TBL1X: variants seen among roughly 807,000 people sequenced by gnomAD.
The protein encoded by TBL1X is transducin beta like 1 X-linked.
Under a neutral mutation model 50.7 loss-of-function variants are expected in TBL1X, and 10 were observed. The observed-to-expected ratio is 0.20, with a 90% CI of 0.12 to 0.33. The LOEUF is 0.33. TBL1X is among the 10% of genes least tolerant of loss of function. The probability of loss-of-function intolerance (pLI) is 1.00; values close to 1 mark genes in which losing one functional copy is unlikely to be tolerated. For missense variants in TBL1X, 340 were observed against 504.4 expected, an observed-to-expected ratio of 0.67 and a Z score of 3.12; for synonymous variants, 190 against 214.7, an observed-to-expected ratio of 0.88 and a Z score of 1.01.
At chrX:9,467,363 A>C (rs2081782711) in intron 1 of TBL1X, among the ~76,000 whole-genome samples, 1 of 111,924 alleles carries the variant, frequency 8.9e-6, no homozygotes, top group Non-Finnish European at 1.9e-5. Flanking sequence ...CAGGGCGTCC[A>C]GATTCCGGTG....
intron 2 of TBL1X, among the ~76,000 whole-genome samples, chrX:9,570,581 C>CCTCTGG (rs1601765695): frequency 9.0e-6 from 1 of 111,583 alleles, no homozygotes; most frequent in Admixed American, 9.5e-5. Flanking sequence ...TGCTTCACTC[C>CCTCTGG]CTCTGGCTCT....
chrX:9,666,417 TA>T (rs1215234294), intron 5 of TBL1X, among the ~76,000 whole-genome samples: 3 of 111,470 alleles, frequency 2.7e-5, no homozygotes, highest in Non-Finnish European at 5.7e-5. Context: ...AGTTGACTTT[TA>T]AAGAAAAAAA....
At chrX:9,463,930 C>T (rs1272614797), upstream of TBL1X, among the ~76,000 whole-genome samples, 4 of 111,445 alleles carry the variant, frequency 3.6e-5, no homozygotes, top group Non-Finnish European at 5.7e-5. Flanking sequence ...AAAACCTCAC[C>T]TTAGGTCCCC....
Position 9,609,691 on chromosome X carries a change from G to A in TBL1X, c.-130-30582G>A, listed in dbSNP as rs187986535. On this transcript the variant is annotated intron_variant, in intron 2 of 17. Coordinates refer to ENST00000645353, the MANE Select transcript of TBL1X (RefSeq NM_005647.4). The stretch of plus-strand genomic sequence containing the variant: ...TTTCCTGAGAGGCTGTGCGGGTTGC[G>A]TGGCAGTGAGGAGGGACGGGGGTAA... 1.7e-4 allele frequency among the ~76,000 whole-genome samples: 19 copies of A among 110,922 alleles called. No homozygotes were observed. The East Asian group carries it at 4.3e-3, about 25-fold the overall frequency.
At chrX:9,705,350 AAAGCCTTT>A (rs1419139322) in intron 13 of TBL1X, among the ~76,000 whole-genome samples, 2 of 112,140 alleles carry the variant, frequency 1.8e-5, no homozygotes, top group Non-Finnish European at 3.8e-5. Flanking sequence ...ATTTGGCAAC[AAAGCCTTT>A]AAGGTAGCCA....
chrX:9,551,505 C>T (rs762552554), intron 2 of TBL1X, among the ~76,000 whole-genome samples: 7 of 111,002 alleles, frequency 6.3e-5, no homozygotes, highest in Non-Finnish European at 9.4e-5. Flanking sequence ...ATTTTTAGTG[C>T]AGCGTATTTC....
rs143609912 is a variant in TBL1X, at chrX:9,561,332, A to G, written c.-131+59483A>G. Among the ~76,000 whole-genome samples the G allele has an allele frequency of 1.3e-4, 15 of 111,379 alleles. 1 individual carries two copies. In the East Asian group the frequency reaches 4.2e-3, roughly 31 times the overall value. On this transcript the variant is annotated intron_variant, in intron 2 of 17. Transcript: ENST00000645353. ...AGTAGAGTGAAGCTCCAGTATTTGT[A>G]TGAGTGTTGGGGTTGTTTGGTGGTG... is the stretch of plus-strand genomic sequence containing the variant.
At chrX:9,544,132 T>C (rs2082229387) in intron 2 of TBL1X, among the ~76,000 whole-genome samples, 1 of 111,995 alleles carries the variant, frequency 8.9e-6, no homozygotes, top group African/African-American at 3.2e-5. Context: ...TAAATGCTGT[T>C]ATGAATTAAT....
intron 2 of TBL1X, among the ~76,000 whole-genome samples, chrX:9,528,601 A>C (rs766807527): frequency 9.4e-6 from 1 of 106,946 alleles, no homozygotes; most frequent in South Asian, 4.3e-4. Context: ...GGTGACCCGC[A>C]GCTGCACATG....
intron 2 of TBL1X, among the ~76,000 whole-genome samples, chrX:9,509,353 G>A (rs1336421675): frequency 1.3e-5 from 1 of 78,837 alleles, no homozygotes; most frequent in African/African-American, 5.1e-5. Flanking sequence ...GCGACAAAGC[G>A]AGACTCTGTC....
intron 2 of TBL1X, among the ~76,000 whole-genome samples, chrX:9,573,963 G>A (rs2082397901): frequency 8.9e-6 from 1 of 112,537 alleles, no homozygotes; most frequent in Admixed American, 9.4e-5. Context: ...ACTCCACCCT[G>A]CTGGGCATCT....
intron 12 of TBL1X, among the ~76,000 whole-genome samples, chrX:9,704,765 G>A (rs188416148): frequency 7.4e-4 from 83 of 111,428 alleles, no homozygotes; most frequent in Non-Finnish European, 1.4e-3. Flanking sequence ...GATGGCATGC[G>A]CTATTCAGAA....
intron 2 of TBL1X, among the ~76,000 whole-genome samples, chrX:9,621,269 C>T (rs1055516717): frequency 9.0e-6 from 1 of 111,600 alleles, no homozygotes; most frequent in African/African-American, 3.3e-5. Flanking sequence ...GTGTAGTCAG[C>T]GAGGGGCACT....
intron 2 of TBL1X, among the ~76,000 whole-genome samples, chrX:9,559,181 G>A (rs900674937): frequency 1.8e-5 from 2 of 112,087 alleles, no homozygotes; most frequent in African/African-American, 6.5e-5. Context: ...GGTTGTATCC[G>A]ACTGCGAACT....
rs774252660 is a variant in TBL1X, at chrX:9,520,291, G to T, written c.-131+18442G>T. On this transcript the variant is annotated intron_variant, in intron 2 of 17. Coordinates refer to ENST00000645353, the MANE Select transcript of TBL1X (RefSeq NM_005647.4). Reference sequence around the variant, plus strand: ...CCAAGCACCTCCTCTTCCAGAATAAGTAGCACAGATCTTTGACCGCCCCCC... The same window carrying T: ...CCAAGCACCTCCTCTTCCAGAATAATTAGCACAGATCTTTGACCGCCCCCC... Among the ~76,000 whole-genome samples, 11 of 112,060 alleles carry T rather than the reference G, an allele frequency of 9.8e-5. No individual in the cohort carries two copies. The East Asian group carries it at 3.1e-3, about 31-fold the overall frequency.
intron 2 of TBL1X, among the ~76,000 whole-genome samples, chrX:9,589,311 TGG>T (rs1311489676): frequency 2.7e-5 from 3 of 109,752 alleles, no homozygotes; most frequent in African/African-American, 1.0e-4. Context: ...AAAGTCAAGA[TGG>T]GGGCAGGGTT....
chrX:9,531,393 G>GTGTGTGTGTGTGTGTGT (rs2082160590), intron 2 of TBL1X, among the ~76,000 whole-genome samples: 1 of 107,297 alleles, frequency 9.3e-6, no homozygotes, highest in Non-Finnish European at 1.9e-5. Flanking sequence ...GTGTGTGTGT[G>GTGTGTGTGTGTGTGTGT]TGTGTGTGTT....
intron 12 of TBL1X, among the ~76,000 whole-genome samples, chrX:9,700,530 G>A (rs746664752): frequency 1.8e-5 from 2 of 111,663 alleles, no homozygotes; most frequent in Admixed American, 1.9e-4. Context: ...AATTCCCGTC[G>A]GCAGGTCAGA....
chrX:9,571,930 A>G lies in TBL1X; in HGVS notation c.-130-68343A>G, dbSNP rs192673871. Among the ~76,000 whole-genome samples the G allele has an allele frequency of 1.6e-4, 18 of 112,489 alleles. 1 individual carries two copies. The highest frequency in any genetic ancestry group is 9.3e-3 in the Middle Eastern group (2 of 216). Reference sequence around the variant, plus strand: ...GTGACATAATTTCCTTCCTTTTTAAAGCTGAATAATATTCCCTTGTGTGTA... The same window carrying G: ...GTGACATAATTTCCTTCCTTTTTAAGGCTGAATAATATTCCCTTGTGTGTA... On this transcript the variant is annotated intron_variant, in intron 2 of 17. Transcript: ENST00000645353.
Sources: allele counts gnomAD v4.1 joint callset (sites outside exome capture counted in the v4.1 genomes callset), GRCh38; gene constraint gnomAD v4.1.1; transcripts MANE v1.5; gene names NCBI Gene and HGNC (gene_info 2026-07-23, HGNC 2026-07-21).